ACOT11: variants seen among roughly 807,000 people sequenced by gnomAD.
ACOT11 encodes acyl-coenzyme A thioesterase 11.
Under a neutral mutation model 77.5 loss-of-function variants are expected in ACOT11, and 69 were observed. That is an observed-to-expected ratio of 0.89 (90% CI 0.73 to 1.09). ACOT11 has a LOEUF of 1.09. Among genes scored for constraint, ACOT11 ranks in the 50% least tolerant of loss-of-function variants. The pLI, the probability that ACOT11 is intolerant of heterozygous loss-of-function variation, is 0.00. For synonymous variants in ACOT11, 279 were observed against 313.0 expected (o/e 0.89, Z 1.15); for missense variants, 766 against 813.7 (o/e 0.94, Z 0.71).
At position 54,609,689 on chromosome 1, in the gene ACOT11, T is replaced by A. The variant is rs532834434; in HGVS notation, c.*577T>A. The A allele has an allele frequency of 6.2e-7, 1 of 1,614,066 alleles. No individual in the cohort carries two copies. Among genetic ancestry groups the A allele is most frequent in the African/African-American group, 1.3e-5 (1 of 75,070 alleles). ...GACCGAAAAACTCCCGTGGGAGATT[T>A]TGGCCCCAACCCACACAGGCCAATG... On this transcript the variant is annotated 3_prime_UTR_variant, in exon 16 of 16. Coordinates refer to ENST00000343744, the MANE Select transcript of ACOT11 (RefSeq NM_147161.4).
At chr1:54,613,874 C>A (rs2101017629), downstream of ACOT11, among the ~76,000 whole-genome samples, 1 of 152,230 alleles carries the variant, frequency 6.6e-6, no homozygotes, top group Admixed American at 6.5e-5. Context: ...GAGCCTGGAG[C>A]TTAGAATCAG....
chr1:54,608,006 A>G lies in ACOT11; in HGVS notation c.1567A>G (p.Arg523Gly). The change falls in exon 15 of 16, where the codon AGA (arginine) becomes GGA (glycine). Residue 523 changes from arginine to glycine, a missense_variant. Physicochemically the swap from Arg to Gly is moderately radical, Grantham distance 125. Transcript: ENST00000343744. The stretch of plus-strand genomic sequence containing the variant: ...CACACACCGAGAGACGCCAGAGTAC[A>G]GACGCGGAGAGACCCTCTGCTCAGG... ...LPTHRETPEY[R>G]RGETLCSGFC... 2 of 1,613,576 alleles carry G rather than the reference A, an allele frequency of 1.2e-6. No homozygotes were observed. The highest frequency in any genetic ancestry group is 1.7e-6 in the Non-Finnish European group (2 of 1,179,924).
At chr1:54,595,739 A>G (rs1654876785) in intron 6 of ACOT11, among the ~76,000 whole-genome samples, 1 of 152,200 alleles carries the variant, frequency 6.6e-6, no homozygotes, top group Non-Finnish European at 1.5e-5. Flanking sequence ...CAGATGGGAG[A>G]TAAGGAAGGG....
At chr1:54,553,612 T>A (rs1569631879) in intron 1 of ACOT11, among the ~76,000 whole-genome samples, 3 of 152,266 alleles carry the variant, frequency 2.0e-5, no homozygotes, top group Admixed American at 2.0e-4. Flanking sequence ...ATTTTTTTGG[T>A]GATAGTGCAG....
chr1:54,610,226 G>A lies in ACOT11; in HGVS notation c.*1114G>A, dbSNP rs148333188. 75 of 1,438,816 alleles carry A rather than the reference G, an allele frequency of 5.2e-5. 1 individual carries two copies. The South Asian group carries it at 7.1e-4, about 14-fold the overall frequency. The allele number at this position is 1,438,816 out of a possible 1,614,324, so 89.1% of individuals were successfully genotyped here. On this transcript the variant is annotated 3_prime_UTR_variant, in exon 16 of 16. Coordinates refer to ENST00000343744, the MANE Select transcript of ACOT11 (RefSeq NM_147161.4). ...AGCTGAGGACTGGTCTGAAGGCCAGGAGCCCTGTGCTCTTGACATCACTGT... is the reference window on the plus strand; with the variant it reads ...AGCTGAGGACTGGTCTGAAGGCCAGAAGCCCTGTGCTCTTGACATCACTGT...
chr1:54,620,165 G>A (rs1644216111), intron 15 of ACOT11, among the ~76,000 whole-genome samples: 1 of 152,228 alleles, frequency 6.6e-6, no homozygotes, highest in South Asian at 2.1e-4. Context: ...ACAATAGAGG[G>A]AAATGAATGG....
downstream of ACOT11, chr1:54,610,404 G>C (rs1276847913): frequency 6.2e-7 from 1 of 1,612,492 alleles, no homozygotes; most frequent in East Asian, 2.2e-5. Flanking sequence ...CTGAAGGGTA[G>C]ACCTTACCTG....
rs377418362 is a variant in ACOT11, at chr1:54,607,959, C to T, written c.1520C>T (p.Ala507Val). 1.5e-5 allele frequency: 25 copies of T among 1,613,808 alleles called. No homozygotes were observed. Among genetic ancestry groups the T allele is most frequent in the African/African-American group, 9.4e-5 (7 of 74,850 alleles). The change falls in exon 15 of 16, where the codon GCG (alanine) becomes GTG (valine). Residue 507 changes from alanine (A) to valine (V), a missense_variant. Coordinates refer to ENST00000343744, the MANE Select transcript of ACOT11 (RefSeq NM_147161.4). This position sits in a 1 kb window ranked among gnomAD's most constrained non-coding sequence, Gnocchi z 4.5. ...PCDNGDPYVI[A>V]LRSVTLPTHR... Reference sequence around the variant, plus strand: ...TCACTCAGGGACCCCTATGTCATCGCGCTGAGGTCGGTCACGCTGCCCACA... The same window carrying T: ...TCACTCAGGGACCCCTATGTCATCGTGCTGAGGTCGGTCACGCTGCCCACA...
chr1:54,627,129 T>A (rs1175750060), intron 15 of ACOT11, among the ~76,000 whole-genome samples: 1 of 135,786 alleles, frequency 7.4e-6, no homozygotes, highest in African/African-American at 2.5e-5. Flanking sequence ...AGTGCTGGGA[T>A]TATAGGCGTG....
At chr1:54,614,564 T>C, downstream of ACOT11, 1 of 821,938 alleles carries the variant, frequency 1.2e-6, no homozygotes, top group Non-Finnish European at 1.8e-6. Context: ...GGGAACAGCA[T>C]GTGCAAAGGC....
In ACOT11 at chr1:54,607,885, G is replaced by T. The variant is rs1361959110; in HGVS notation, c.1503-57G>T. The T allele has an allele frequency of 5.6e-6, 9 of 1,607,016 alleles. No individual in the cohort carries two copies. Among genetic ancestry groups the T allele is most frequent in the Non-Finnish European group, 7.7e-6 (9 of 1,175,916 alleles). ...TCTCGGCCTTGGTTGGGCAGAACAG[G>T]CCCCCACTTTCTTCTGTGGCTGACC... On this transcript the variant is annotated intron_variant, in intron 14 of 15. Transcript: ENST00000343744. This position sits in a 1 kb window ranked among gnomAD's most constrained non-coding sequence, Gnocchi z 4.5.
chr1:54,634,656 T>C (rs1279553769), intron 16 of ACOT11: 1 of 697,414 alleles, frequency 1.4e-6, no homozygotes, highest in Admixed American at 2.0e-5. Flanking sequence ...AAATAATAAT[T>C]TGGGGTAGAG....
Position 54,548,489 on chromosome 1 carries a change from C to T in ACOT11, c.33+147C>T, listed in dbSNP as rs535399945. 1.2e-5 allele frequency: 12 copies of T among 1,023,892 alleles called. No homozygotes were observed. The African/African-American group carries it at 1.9e-4, about 16-fold the overall frequency. The allele number at this position is 1,023,892 out of a possible 1,614,324, so 63.4% of individuals were successfully genotyped here. A position where few individuals can be genotyped will look rare whatever the true frequency, so the allele number is the denominator to read the frequency against. On this transcript the variant is annotated intron_variant, in intron 1 of 15. Coordinates refer to ENST00000343744, the MANE Select transcript of ACOT11 (RefSeq NM_147161.4). ...TAGCTCTCTTTGGAAGGAGAAATCGCAGAACCCCTGGGCTGGTTTATTATC... is the reference window on the plus strand; with the variant it reads ...TAGCTCTCTTTGGAAGGAGAAATCGTAGAACCCCTGGGCTGGTTTATTATC...
chr1:54,573,125 A>T (rs1569680829), intron 1 of ACOT11: 1 of 985,298 alleles, frequency 1.0e-6, no homozygotes, highest in Admixed American at 6.1e-5. Flanking sequence ...GGCTCCAGGT[A>T]TGGGTCCTGG....
rs963150706 is a variant in ACOT11 at position 54,609,131 on chromosome 1, T to C, written c.*19T>C. 5.0e-6 allele frequency: 8 copies of C among 1,613,866 alleles called. No homozygotes were observed. The highest frequency in any genetic ancestry group is 6.8e-6 in the Non-Finnish European group (8 of 1,179,868). On this transcript the variant is annotated 3_prime_UTR_variant, in exon 16 of 16. Transcript: ENST00000343744. Reference sequence around the variant, plus strand: ...CCTCTAGATGCCCTCAGTGGCCACATCATGCCCACTCCCACTCCATCCTGT... The same window carrying C: ...CCTCTAGATGCCCTCAGTGGCCACACCATGCCCACTCCCACTCCATCCTGT...
chr1:54,608,247 G>GCCCCTGCAA (rs1416978112), intron 15 of ACOT11, among the ~76,000 whole-genome samples, 179 bp downstream of exon 15: 2 of 152,146 alleles, frequency 1.3e-5, no homozygotes, highest in Non-Finnish European at 2.9e-5. Flanking sequence ...TCTGTGTACA[G>GCCCCTGCAA]GTAAGTCAGA....
chr1:54,601,154 C>T, intron 8 of ACOT11, 115 bp from the exon 9 acceptor site: 5 of 1,192,510 alleles, frequency 4.2e-6, no homozygotes, highest in South Asian at 1.4e-5. Context: ...TGTGTGTGTG[C>T]ATGCATGTGT....
chr1:54,563,246 G>A (rs1468546311), intron 1 of ACOT11, among the ~76,000 whole-genome samples: 2 of 152,234 alleles, frequency 1.3e-5, no homozygotes, highest in Non-Finnish European at 2.9e-5. Flanking sequence ...CTTGGCCTCT[G>A]AAAGTGCTGG....
intron 15 of ACOT11, chr1:54,615,911 G>A (rs1644167779): frequency 8.7e-7 from 1 of 1,149,876 alleles, no homozygotes; most frequent in Non-Finnish European, 1.3e-6. Flanking sequence ...CCAAGGCAAT[G>A]AGCACCTCGT....
Sources: allele counts gnomAD v4.1 joint callset (sites outside exome capture counted in the v4.1 genomes callset), GRCh38; gene constraint gnomAD v4.1.1; non-coding constraint Gnocchi (gnomAD v3.1); transcripts MANE v1.5; gene names NCBI Gene and HGNC (gene_info 2026-07-23, HGNC 2026-07-21).